Variants in DOT1L observed in about 807,000 individuals in gnomAD.
The protein encoded by DOT1L is DOT1 like histone lysine methyltransferase, also known as histone-lysine N-methyltransferase, H3 lysine-79 specific.
Under a neutral mutation model 153.3 loss-of-function variants are expected in DOT1L, and 33 were observed. That is an observed-to-expected ratio of 0.22 (90% CI 0.16 to 0.29). The LOEUF (loss-of-function observed/expected upper bound fraction) is 0.29, where lower values mean the gene tolerates loss of function less well. DOT1L is among the 10% of genes least tolerant of loss of function. The pLI is 1.00. For synonymous variants in DOT1L, 1,135 were observed against 965.1 expected, an observed-to-expected ratio of 1.18 and a Z score of -3.26; for missense variants, 1,847 against 2,119.9, an observed-to-expected ratio of 0.87 and a Z score of 2.53.
rs529208196 is a variant in DOT1L, at chr19:2,197,558, T to G, written c.652-2326T>G. Among the ~76,000 whole-genome samples, 7 of 152,300 alleles carry G rather than the reference T, an allele frequency of 4.6e-5. No homozygotes were observed. In the East Asian group the frequency reaches 9.7e-4, roughly 21 times the overall value. On this transcript the variant is annotated intron_variant, in intron 7 of 27. Coordinates refer to ENST00000398665, the MANE Select transcript of DOT1L (RefSeq NM_032482.3). This position sits in a 1 kb window ranked among gnomAD's most constrained non-coding sequence, Gnocchi z 4.1. Reference sequence around the variant, plus strand: ...GCGTCTGGGTCAGCACCCTGCCTCCTGGGGCCTGGGTCCATGACACGGCTG... The same window carrying G: ...GCGTCTGGGTCAGCACCCTGCCTCCGGGGGCCTGGGTCCATGACACGGCTG...
rs1181213037 is a variant in DOT1L at position 2,190,774 on chromosome 19, G to A, written c.265-238G>A. 1.3e-5 allele frequency among the ~76,000 whole-genome samples: 2 copies of A among 152,004 alleles called. No homozygotes were observed. Among genetic ancestry groups the A allele is most frequent in the African/African-American group, 2.4e-5 (1 of 41,374 alleles). Reference sequence around the variant, plus strand: ...TGGGGAGAGAGGCCCGTGGCAGGAGGTGGAGCCTCCTAGGACCCCTCTGAG... The same window carrying A: ...TGGGGAGAGAGGCCCGTGGCAGGAGATGGAGCCTCCTAGGACCCCTCTGAG... On this transcript the variant is annotated intron_variant, in intron 4 of 27. Coordinates refer to ENST00000398665, the MANE Select transcript of DOT1L (RefSeq NM_032482.3). This position sits in a 1 kb window ranked among gnomAD's most constrained non-coding sequence, Gnocchi z 4.8.
At chr19:2,175,280 C>T (rs1222871832) in intron 1 of DOT1L, among the ~76,000 whole-genome samples, 1 of 151,988 alleles carries the variant, frequency 6.6e-6, no homozygotes, top group African/African-American at 2.4e-5. Context: ...GGATTACAGG[C>T]GTGAGCCATG....
chr19:2,169,936 C>A (rs990965415), intron 1 of DOT1L, among the ~76,000 whole-genome samples: 1 of 152,202 alleles, frequency 6.6e-6, no homozygotes, highest in African/African-American at 2.4e-5. Context: ...GCGGGCAGAT[C>A]ACCTGCGGTC....
chr19:2,164,462 G>T (rs2019831138), intron 1 of DOT1L, 197 bp downstream of exon 1: 1 of 354,674 alleles, frequency 2.8e-6, no homozygotes, highest in Non-Finnish European at 4.9e-6. Flanking sequence ...TGGGAGCCCC[G>T]CGCGCCTGGG....
chr19:2,183,609 C>G (rs983913075), intron 2 of DOT1L, among the ~76,000 whole-genome samples: 4 of 151,532 alleles, frequency 2.6e-5, no homozygotes, highest in Admixed American at 2.6e-4. Context: ...AGTGTCACTC[C>G]CAGGTATTCC....
At chr19:2,213,459 A>G in intron 16 of DOT1L, 80 bp from the exon 17 acceptor site, 1 of 1,412,132 alleles carries the variant, frequency 7.1e-7, no homozygotes. Context: ...AGGAAGCATG[A>G]GAGGCAGGGC....
intron 9 of DOT1L, among the ~76,000 whole-genome samples, chr19:2,205,300 A>G (rs1301240204): frequency 6.6e-6 from 1 of 152,056 alleles, no homozygotes; most frequent in Non-Finnish European, 1.5e-5. Flanking sequence ...TACCTTCTTT[A>G]TATGTGTAAA....
At chr19:2,183,086 C>T (rs1007838841) in intron 2 of DOT1L, among the ~76,000 whole-genome samples, 1 of 152,172 alleles carries the variant, frequency 6.6e-6, no homozygotes, top group African/African-American at 2.4e-5. Flanking sequence ...TTCTGTCTCA[C>T]TTCCTCTAGA....
intron 9 of DOT1L, among the ~76,000 whole-genome samples, 200 bp from the exon 10 acceptor site, chr19:2,206,521 CAAAAAAAA>C (rs5826758): frequency 1.2e-5 from 1 of 80,716 alleles, no homozygotes; most frequent in African/African-American, 4.8e-5. Context: ...GACTCTGTCT[CAAAAAAAA>C]AAAAAAAAAA....
At chr19:2,170,132 TCAAA>T (rs1568325109) in intron 1 of DOT1L, among the ~76,000 whole-genome samples, 4 of 152,216 alleles carry the variant, frequency 2.6e-5, no homozygotes, top group African/African-American at 4.8e-5. Flanking sequence ...AGACTCTGTC[TCAAA>T]CAAACAGACA....
intron 27 of DOT1L, chr19:2,227,560 G>A (rs894588625): frequency 2.9e-6 from 2 of 678,128 alleles, no homozygotes; most frequent in Non-Finnish European, 4.2e-6. Flanking sequence ...CGGGGCGGGG[G>A]GCCGGAGGGC....
chr19:2,214,459 C>CT lies in DOT1L; in HGVS notation c.1798-11dup, dbSNP rs1568360157. Reference sequence around the variant, plus strand: ...CCAGCCAGTCGCAACTGTCCCATCCCTATCCCCTCAGCTCAAGGCTCGCTG... The same window carrying CT: ...CCAGCCAGTCGCAACTGTCCCATCCCTTATCCCCTCAGCTCAAGGCTCGCTG... On this transcript the variant is annotated splice_polypyrimidine_tract_variant and intron_variant, in intron 18 of 27. Transcript: ENST00000398665. The CT allele has an allele frequency of 1.2e-6, 2 of 1,612,272 alleles. No homozygotes were observed. The highest frequency in any genetic ancestry group is 1.7e-6 in the Non-Finnish European group (2 of 1,179,556).
In DOT1L at chr19:2,226,386, G is replaced by A; in HGVS notation, c.3865G>A (p.Ala1289Thr). 1 of 1,593,430 alleles carries A rather than the reference G, an allele frequency of 6.3e-7. No homozygotes were observed. Among genetic ancestry groups the A allele is most frequent in the Non-Finnish European group, 8.5e-7 (1 of 1,172,162 alleles). ...LEEPSADAKLAAHPRKGFPGS... is the reference protein window; with the variant it reads ...LEEPSADAKLTAHPRKGFPGS... ...GGAGCCCTCTGCCGATGCCAAGCTG[G>A]CCGCTCACCCCAGGAAAGGCTTTCC... The change falls in exon 27 of 28, where the codon GCC becomes ACC. Residue 1289 changes from alanine to threonine, a missense_variant. Around this residue, in one of 8 missense-constraint regions of DOT1L, gnomAD observed 934 missense variants for 825.3 expected, o/e 1.13. Coordinates refer to ENST00000398665, the MANE Select transcript of DOT1L (RefSeq NM_032482.3).
chr19:2,206,379 G>A (rs2023493113), intron 9 of DOT1L, among the ~76,000 whole-genome samples: 1 of 152,008 alleles, frequency 6.6e-6, no homozygotes, highest in Non-Finnish European at 1.5e-5. Context: ...CCAGCAGGGT[G>A]AAACCCGCTC....
Position 2,221,879 on chromosome 19 carries a change from T to C in DOT1L, c.2807-97T>C, listed in dbSNP as rs543815548. On this transcript the variant is annotated intron_variant, in intron 23 of 27. Transcript: ENST00000398665. ...CCCTTCCCCACTTCCCCGCCTCTCC[T>C]GGAGCCCACAGAGCTCCTAGGGGGT... 7 of 1,256,284 alleles carry C rather than the reference T, an allele frequency of 5.6e-6. No homozygotes were observed. In the South Asian group the frequency reaches 7.5e-5, roughly 13 times the overall value. 77.8% of individuals were successfully genotyped at this position (1,256,284 alleles called of 1,614,324 possible).
intron 9 of DOT1L, among the ~76,000 whole-genome samples, chr19:2,205,798 A>AT (rs1599584862): frequency 6.6e-6 from 1 of 150,878 alleles, no homozygotes; most frequent in East Asian, 2.0e-4. Flanking sequence ...GGCTCAAGTG[A>AT]TCCTCCTGCC....
At position 2,204,625 on chromosome 19, in the gene DOT1L, T is replaced by C. The variant is rs1419933478; in HGVS notation, c.787+1846T>C. The stretch of plus-strand genomic sequence containing the variant: ...ATCAGACGTGGTGGCTGAGTCAGGG[T>C]ACTGCAGTGGCGTCTTCTGTCCGGC... On this transcript the variant is annotated intron_variant, in intron 9 of 27. Coordinates refer to ENST00000398665, the MANE Select transcript of DOT1L (RefSeq NM_032482.3). This position sits in a 1 kb window ranked among gnomAD's most constrained non-coding sequence, Gnocchi z 5.7. Among the ~76,000 whole-genome samples, 3 of 152,202 alleles carry C rather than the reference T, an allele frequency of 2.0e-5. No homozygotes were observed. Among genetic ancestry groups the C allele is most frequent in the Non-Finnish European group, 4.4e-5 (3 of 68,042 alleles).
At position 2,211,077 on chromosome 19, in the gene DOT1L, C is replaced by T. The variant is rs372053517; in HGVS notation, c.1352-22C>T. The stretch of plus-strand genomic sequence containing the variant: ...GCTCTCCCGACCCGCCCTGTGCTGA[C>T]GCCTGCCCTCCGCTCTCCCAGATGC... On this transcript the variant is annotated intron_variant, in intron 14 of 27. Transcript: ENST00000398665. 552 of 1,606,498 alleles carry T rather than the reference C, an allele frequency of 3.4e-4. 8 individuals are homozygous for T. In the South Asian group the frequency reaches 4.4e-3, roughly 13 times the overall value.
In DOT1L at chr19:2,208,633, A is replaced by G. The variant is rs2023597398; in HGVS notation, c.964-302A>G. The stretch of plus-strand genomic sequence containing the variant: ...TGAGGCGGGCGCGGTTCTTCTGTGC[A>G]GAAAGCCCTCCCTCTTCCAGAAGCA... On this transcript the variant is annotated intron_variant, in intron 11 of 27. Transcript: ENST00000398665. The surrounding 1 kb of genome is among the most constrained non-coding windows in gnomAD (Gnocchi z 4.4). Among the ~76,000 whole-genome samples the G allele has an allele frequency of 6.6e-6, 1 of 152,276 alleles. No homozygotes were observed. The highest frequency in any genetic ancestry group is 6.5e-5 in the Admixed American group (1 of 15,294).
Sources: allele counts gnomAD v4.1 joint callset (sites outside exome capture counted in the v4.1 genomes callset), GRCh38; gene constraint gnomAD v4.1.1; regional missense constraint gnomAD v4.1.1; non-coding constraint Gnocchi (gnomAD v3.1); transcripts MANE v1.5; gene names NCBI Gene and HGNC (gene_info 2026-07-23, HGNC 2026-07-21).